The following SYT14 variants were observed in gnomAD, a reference collection of about 807,000 sequenced individuals.
SYT14 encodes synaptotagmin 14.
A neutral mutation model predicts 74.2 loss-of-function variants in SYT14; 32 were observed. The observed-to-expected ratio is 0.43, with a 90% CI of 0.33 to 0.58. The LOEUF (loss-of-function observed/expected upper bound fraction) is 0.58, where lower values mean the gene tolerates loss of function less well. Among genes scored for constraint, SYT14 ranks in the 20% least tolerant of loss-of-function variants. SYT14 has a pLI of 0.05. For synonymous variants in SYT14, 298 were observed against 337.7 expected (o/e 0.88, Z 1.29); for missense variants, 791 against 981.8 (o/e 0.81, Z 2.60).
intron 2 of SYT14, among the ~76,000 whole-genome samples, chr1:210,011,496 T>G (rs762418884): frequency 8.5e-5 from 13 of 152,120 alleles, no homozygotes; most frequent in South Asian, 6.2e-4. Flanking sequence ...TCCTCCCGCC[T>G]CCTCCTCTCA....
rs1435840879 is a variant in SYT14 at position 209,952,768 on chromosome 1, C to T, written c.-486+12C>T. 3 of 1,601,438 alleles carry T rather than the reference C, an allele frequency of 1.9e-6. No individual in the cohort carries two copies. The highest frequency in any genetic ancestry group is 2.6e-6 in the Non-Finnish European group (3 of 1,172,224). On this transcript the variant is annotated intron_variant, in intron 2 of 9. Coordinates refer to ENST00000637265, the Ensembl canonical transcript of SYT14. ...CTGTATTAGAAAAGGTAAGTCATTG[C>T]TCTGCATGGCTATTTACATACTAAA...
intron 7 of SYT14, among the ~76,000 whole-genome samples, chr1:210,125,283 T>G (rs1421103616): frequency 6.6e-6 from 1 of 151,716 alleles, no homozygotes; most frequent in Non-Finnish European, 1.5e-5. Context: ...ATTATTTAGT[T>G]CCCACTTACA....
At chr1:210,159,275 C>G in intron 8 of SYT14, 146 bp from the exon 8 acceptor site, 1 of 799,844 alleles carries the variant, frequency 1.3e-6, no homozygotes, top group Non-Finnish European at 2.1e-6. Flanking sequence ...GTTCAATCCT[C>G]TATCTGAATT....
intron 5 of SYT14, among the ~76,000 whole-genome samples, chr1:210,073,932 C>A (rs1290276812): frequency 6.6e-6 from 1 of 151,584 alleles, no homozygotes; most frequent in Non-Finnish European, 1.5e-5. Context: ...ATCAAGAAAA[C>A]AGATGAAATT....
intron 5 of SYT14, among the ~76,000 whole-genome samples, chr1:210,073,644 A>G (rs1009405642): frequency 2.0e-5 from 3 of 152,016 alleles, no homozygotes; most frequent in African/African-American, 7.2e-5. Context: ...CATCCAATAT[A>G]GTCCATGTAT....
intron 2 of SYT14, among the ~76,000 whole-genome samples, chr1:210,005,134 C>T (rs756642828): frequency 6.6e-6 from 1 of 151,896 alleles, no homozygotes; most frequent in Non-Finnish European, 1.5e-5. Context: ...TCTATTGAAC[C>T]ATTCAATGTT....
Position 209,938,226 on chromosome 1 carries a change from C to T in SYT14, c.-585C>T, listed in dbSNP as rs753176080. The T allele has an allele frequency of 3.3e-6, 5 of 1,524,770 alleles. No homozygotes were observed. The South Asian group carries it at 3.6e-5, about 11-fold the overall frequency. The allele number at this position is 1,524,770 out of a possible 1,614,324, so 94.5% of individuals were successfully genotyped here. On this transcript the variant is annotated 5_prime_UTR_variant, in exon 1 of 10. Transcript: ENST00000637265. ...CTCCGCCAGCCCTCGCGTCTGCTGC[C>T]CCCGCCATCCAGTTGGTGCGGTCCA...
intron 7 of SYT14, among the ~76,000 whole-genome samples, chr1:210,133,685 T>A (rs2102647389): frequency 6.6e-6 from 1 of 152,276 alleles, no homozygotes; most frequent in Non-Finnish European, 1.5e-5. Flanking sequence ...GTATTATTCC[T>A]TTTGCTTCTT....
chr1:210,035,232 T>G (rs929910117), intron 5 of SYT14, among the ~76,000 whole-genome samples: 1 of 151,962 alleles, frequency 6.6e-6, no homozygotes, highest in African/African-American at 2.4e-5. Flanking sequence ...TGTGTATTCA[T>G]TTCCTTTGCC....
intron 5 of SYT14, among the ~76,000 whole-genome samples, chr1:210,087,289 G>A (rs1572275588): frequency 1.3e-5 from 2 of 152,162 alleles, no homozygotes; most frequent in East Asian, 3.9e-4. Flanking sequence ...ACCTGTCTGT[G>A]CAGATGCACA....
intron 5 of SYT14, among the ~76,000 whole-genome samples, chr1:210,059,554 T>C (rs2081170614): frequency 6.6e-6 from 1 of 150,954 alleles, no homozygotes; most frequent in Non-Finnish European, 1.5e-5. Flanking sequence ...CTGTCAGAGT[T>C]GTGGGCCCTA....
chr1:209,981,449 T>TA (rs2079483635), intron 2 of SYT14, among the ~76,000 whole-genome samples: 1 of 99,516 alleles, frequency 1.0e-5, no homozygotes, highest in Non-Finnish European at 2.1e-5. Flanking sequence ...CTTTTTCTTT[T>TA]CTTTTTTTTT....
chr1:210,028,719 T>G (rs560479922), intron 5 of SYT14, among the ~76,000 whole-genome samples: 1 of 152,350 alleles, frequency 6.6e-6, no homozygotes, highest in South Asian at 2.1e-4. Context: ...TTGTGAATAA[T>G]GCTGCTATGC....
intron 7 of SYT14, among the ~76,000 whole-genome samples, chr1:210,113,434 T>A (rs2082301960): frequency 6.6e-6 from 1 of 151,344 alleles, no homozygotes; most frequent in South Asian, 2.1e-4. Flanking sequence ...GTAAGACTTG[T>A]CCGGTTTTTG....
chr1:210,040,004 C>T (rs986284391), intron 5 of SYT14, among the ~76,000 whole-genome samples: 11 of 152,070 alleles, frequency 7.2e-5, no homozygotes, highest in African/African-American at 2.4e-4. Flanking sequence ...CCAGAAATAC[C>T]GTTAGACTCA....
At chr1:210,092,860 A>G (rs1054504757) in intron 5 of SYT14, among the ~76,000 whole-genome samples, 2 of 152,228 alleles carry the variant, frequency 1.3e-5, no homozygotes, top group Non-Finnish European at 2.9e-5. Context: ...CCCACACAAT[A>G]TAGTATTACA....
intron 1 of SYT14, among the ~76,000 whole-genome samples, chr1:209,941,370 A>G (rs1295627550): frequency 1.3e-5 from 2 of 152,236 alleles, no homozygotes; most frequent in South Asian, 2.1e-4. Context: ...AAATATTGAC[A>G]ATAGTTACAC....
chr1:210,035,248 T>A (rs2080634112), intron 5 of SYT14, among the ~76,000 whole-genome samples: 1 of 151,954 alleles, frequency 6.6e-6, no homozygotes, highest in Admixed American at 6.6e-5. Context: ...TTGCCCACTT[T>A]TTAATAGGGT....
intron 5 of SYT14, among the ~76,000 whole-genome samples, chr1:210,080,596 T>C (rs1253192944): frequency 6.6e-6 from 1 of 152,222 alleles, no homozygotes; most frequent in African/African-American, 2.4e-5. Context: ...TGCCCTTTAT[T>C]CAACAAACTG....
Sources: allele counts gnomAD v4.1 joint callset (sites outside exome capture counted in the v4.1 genomes callset), GRCh38; gene constraint gnomAD v4.1.1; transcripts MANE v1.5; gene names NCBI Gene and HGNC (gene_info 2026-07-23, HGNC 2026-07-21).